GPATCH2: variants seen among roughly 807,000 people sequenced by gnomAD.
GPATCH2 encodes the protein G patch domain-containing protein 2.
GPATCH2 carries 51 observed loss-of-function variants against 58.0 expected under a neutral mutation model. That is an observed-to-expected ratio of 0.88 (90% CI 0.70 to 1.11). The LOEUF is 1.11. GPATCH2 is among the 50% of genes most tolerant of loss of function. The probability of loss-of-function intolerance (pLI) is 0.00; values close to 1 mark genes in which losing one functional copy is unlikely to be tolerated. For synonymous variants in GPATCH2, 222 were observed against 218.5 expected (o/e 1.02, Z -0.14); for missense variants, 625 against 652.2 (o/e 0.96, Z 0.45).
rs553365569 is a variant in GPATCH2 at position 217,427,732 on chromosome 1, G to A, written c.*3413C>T. On this transcript the variant is annotated 3_prime_UTR_variant, in exon 10 of 10. Transcript: ENST00000366935. ...TCAACAGTGATTTTTTCTCTTTTCG[G>A]AAATATCTGCTCAAAATAAAGTGTA... The A allele has an allele frequency of 6.6e-6, 1 of 152,168 alleles. No individual in the cohort carries two copies. Among genetic ancestry groups the A allele is most frequent in the South Asian group, 2.1e-4 (1 of 4,822 alleles). The allele number at this position is 152,168 out of a possible 1,614,324, so 9.4% of individuals were successfully genotyped here.
chr1:217,545,465 C>G (rs916890976), intron 5 of GPATCH2, among the ~76,000 whole-genome samples: 4 of 152,148 alleles, frequency 2.6e-5, no homozygotes, highest in Non-Finnish European at 5.9e-5. Flanking sequence ...AAGGTGCATA[C>G]TTATTACTTT....
chr1:217,467,899 G>A (rs1238313312), intron 8 of GPATCH2, among the ~76,000 whole-genome samples: 1 of 152,122 alleles, frequency 6.6e-6, no homozygotes, highest in Non-Finnish European at 1.5e-5. Flanking sequence ...AGCAAAGACT[G>A]GCAGCAAAGA....
At chr1:217,498,332 C>T (rs1399843877) in intron 7 of GPATCH2, 24 bp downstream of exon 7, 6 of 1,586,672 alleles carry the variant, frequency 3.8e-6, no homozygotes, top group Non-Finnish European at 5.2e-6. Context: ...GAGTAACTTC[C>T]TTTTGGATTA....
At chr1:217,595,862 T>C (rs1451759694) in intron 5 of GPATCH2, among the ~76,000 whole-genome samples, 2 of 152,188 alleles carry the variant, frequency 1.3e-5, no homozygotes, top group African/African-American at 4.8e-5. Flanking sequence ...ATGGATCCTA[T>C]AAACGTGCTC....
chr1:217,557,409 CAAA>C (rs772777496), intron 5 of GPATCH2, among the ~76,000 whole-genome samples: 13 of 62,186 alleles, frequency 2.1e-4, no homozygotes, highest in Non-Finnish European at 1.7e-4. Context: ...AACCCCATCT[CAAA>C]AAAAAAAAAA....
At chr1:217,451,290 T>C (rs560572236) in intron 8 of GPATCH2, among the ~76,000 whole-genome samples, 20 of 152,338 alleles carry the variant, frequency 1.3e-4, no homozygotes, top group South Asian at 4.1e-4. Context: ...CTTTCAGTCA[T>C]TGAATGCTAA....
At chr1:217,539,643 T>C (rs1288886103) in intron 5 of GPATCH2, among the ~76,000 whole-genome samples, 2 of 152,208 alleles carry the variant, frequency 1.3e-5, no homozygotes, top group Admixed American at 6.5e-5. Flanking sequence ...AAGGTCAACA[T>C]TGTAATCAGT....
chr1:217,560,281 G>A (rs143759903), intron 5 of GPATCH2, among the ~76,000 whole-genome samples: 1,668 of 152,186 alleles, frequency 0.011, 25 homozygotes, highest in Middle Eastern at 0.048. Flanking sequence ...GTCCTTCCTC[G>A]CTATACCCAC....
At chr1:217,514,356 G>A (rs745354371) in intron 6 of GPATCH2, among the ~76,000 whole-genome samples, 41 of 151,316 alleles carry the variant, frequency 2.7e-4, no homozygotes, top group Non-Finnish European at 4.7e-4. Flanking sequence ...GATGGGTTTC[G>A]CCATGTTGGC....
At chr1:217,550,048 T>A (rs1665271421) in intron 5 of GPATCH2, among the ~76,000 whole-genome samples, 1 of 152,170 alleles carries the variant, frequency 6.6e-6, no homozygotes, top group African/African-American at 2.4e-5. Context: ...AATACCAATA[T>A]CTACACTTCC....
At chr1:217,549,984 G>A (rs982786186) in intron 5 of GPATCH2, among the ~76,000 whole-genome samples, 6 of 152,054 alleles carry the variant, frequency 3.9e-5, no homozygotes, top group Non-Finnish European at 7.4e-5. Context: ...TTTAACGGGA[G>A]AACTCTGTAA....
intron 4 of GPATCH2, 96 bp from the exon 5 acceptor site, chr1:217,610,496 G>T: frequency 1.3e-6 from 1 of 745,662 alleles, no homozygotes; most frequent in South Asian, 1.7e-5. Flanking sequence ...AAAGTAAGTT[G>T]GTGGTGGCGG....
intron 6 of GPATCH2, among the ~76,000 whole-genome samples, 182 bp downstream of exon 6, chr1:217,514,640 C>T (rs565031439): frequency 6.6e-6 from 1 of 152,022 alleles, no homozygotes; most frequent in South Asian, 2.1e-4. Flanking sequence ...TTTAAAAATC[C>T]CCATTTAAAT....
At position 217,428,590 on chromosome 1, in the gene GPATCH2, T is replaced by C. The variant is rs890305537; in HGVS notation, c.*2555A>G. 1 of 152,230 alleles carries C rather than the reference T, an allele frequency of 6.6e-6. No homozygotes were observed. Among genetic ancestry groups the C allele is most frequent in the South Asian group, 2.1e-4 (1 of 4,832 alleles). The allele number at this position is 152,230 out of a possible 1,614,324, so 9.4% of individuals were successfully genotyped here. A position where few individuals can be genotyped will look rare whatever the true frequency, so the allele number is the denominator to read the frequency against. Reference sequence around the variant, plus strand: ...GTAGAAGTATGGGGGAAGCTTGGGATGTTATCACTTCTCTGCTTTGAGTGC... The same window carrying C: ...GTAGAAGTATGGGGGAAGCTTGGGACGTTATCACTTCTCTGCTTTGAGTGC... On this transcript the variant is annotated 3_prime_UTR_variant, in exon 10 of 10. Transcript: ENST00000366935.
chr1:217,608,059 T>C (rs1668444490), intron 5 of GPATCH2: 2 of 156,082 alleles, frequency 1.3e-5, no homozygotes, highest in African/African-American at 4.8e-5. Context: ...ATGACTGTTT[T>C]GTGAGATTAT....
At chr1:217,584,344 A>AAAAAAAAAAAAAAAAATATATATATATAT (rs1463910405) in intron 5 of GPATCH2, among the ~76,000 whole-genome samples, 1 of 101,846 alleles carries the variant, frequency 9.8e-6, no homozygotes, top group Admixed American at 1.4e-4. Flanking sequence ...AAAAAAAAAA[A>AAAAAAAAAAAAAAAAATATATATATATAT]ATATATATAT....
At chr1:217,564,853 T>G (rs559381197) in intron 5 of GPATCH2, among the ~76,000 whole-genome samples, 12 of 152,292 alleles carry the variant, frequency 7.9e-5, no homozygotes, top group African/African-American at 2.4e-4. Context: ...TGCTGCTGGC[T>G]CTAAGTGTTA....
At chr1:217,555,413 T>C (rs1040085716) in intron 5 of GPATCH2, among the ~76,000 whole-genome samples, 1 of 152,166 alleles carries the variant, frequency 6.6e-6, no homozygotes, top group African/African-American at 2.4e-5. Flanking sequence ...TTCTGCCACA[T>C]TGGCTAAAAT....
At position 217,611,551 on chromosome 1, in the gene GPATCH2, C is replaced by T. The variant is rs761803171; in HGVS notation, c.836-480G>A. On this transcript the variant is annotated intron_variant, in intron 3 of 9. Transcript: ENST00000366935. ...TCCATTTAAGTTACTACCCCTTCCA[C>T]GTTAAGAAAAAACAAACCTTAATCT... Among the ~76,000 whole-genome samples, 10 of 152,034 alleles carry T rather than the reference C, an allele frequency of 6.6e-5. No homozygotes were observed. The East Asian group carries it at 1.7e-3, about 26-fold the overall frequency.
Sources: gnomAD v4.1 joint callset for allele counts (sites outside exome capture counted in the v4.1 genomes callset) on GRCh38, gnomAD v4.1.1 for gene constraint, MANE v1.5 for transcripts, NCBI Gene and HGNC (gene_info 2026-07-23, HGNC 2026-07-21) for gene names.